Variants in NAA40 observed in about 807,000 individuals in gnomAD.
NAA40 encodes the protein N-alpha-acetyltransferase 40, NatD catalytic subunit, also known as N-alpha-acetyltransferase 40.
NAA40 carries 26 observed loss-of-function variants against 36.6 expected under a neutral mutation model. That is an observed-to-expected ratio of 0.71 (90% CI 0.52 to 0.98). NAA40 has a LOEUF of 0.98. Among genes scored for constraint, NAA40 ranks in the 50% least tolerant of loss-of-function variants. NAA40 has a pLI of 0.00. For synonymous variants in NAA40, 129 were observed against 108.4 expected, an observed-to-expected ratio of 1.19 and a Z score of -1.18; for missense variants, 237 against 306.5, an observed-to-expected ratio of 0.77 and a Z score of 1.69.
chr11:63,952,655 C>T, intron 5 of NAA40, 90 bp downstream of exon 5: 1 of 1,600,994 alleles, frequency 6.2e-7, no homozygotes, highest in Non-Finnish European at 8.6e-7. Flanking sequence ...CTGGACCTAC[C>T]TAGGTCTATG....
intron 1 of NAA40, among the ~76,000 whole-genome samples, chr11:63,945,429 A>G (rs1942170716): frequency 6.6e-6 from 1 of 152,224 alleles, no homozygotes; most frequent in Non-Finnish European, 1.5e-5. Context: ...ACAGCCATCA[A>G]CGGCTACCTT....
chr11:63,944,125 T>G (rs1337917866), intron 1 of NAA40, among the ~76,000 whole-genome samples: 1 of 152,186 alleles, frequency 6.6e-6, no homozygotes, highest in African/African-American at 2.4e-5. Context: ...ACTCCTTTCT[T>G]CTTGGTTGAT....
chr11:63,949,990 C>T (rs926155183), intron 3 of NAA40, among the ~76,000 whole-genome samples: 60 of 152,060 alleles, frequency 3.9e-4, no homozygotes, highest in Admixed American at 1.2e-3. Context: ...GTGATCCGCC[C>T]GCCTCGGCCT....
intron 1 of NAA40, among the ~76,000 whole-genome samples, chr11:63,941,560 C>CTT (rs11373615): frequency 2.0e-5 from 3 of 148,446 alleles, no homozygotes; most frequent in Middle Eastern, 6.5e-3. Flanking sequence ...TTTTCTTTTC[C>CTT]TTTTTTTTTT....
intron 3 of NAA40, among the ~76,000 whole-genome samples, chr11:63,950,727 G>C (rs1286983170): frequency 1.3e-5 from 2 of 152,130 alleles, no homozygotes; most frequent in Non-Finnish European, 2.9e-5. Flanking sequence ...CTCCCAAAGT[G>C]CTGGGATTAC....
Position 63,941,869 on chromosome 11 carries a change from T to A in NAA40, c.6+2767T>A, listed in dbSNP as rs549526605. Reference sequence around the variant, plus strand: ...GCGCCCAGCCTGGGTGTGTTTTTTTTAATTTGTCTTTATGACCCCTTCCAG... The same window carrying A: ...GCGCCCAGCCTGGGTGTGTTTTTTTAAATTTGTCTTTATGACCCCTTCCAG... On this transcript the variant is annotated intron_variant, in intron 1 of 7. Coordinates refer to ENST00000377793, the MANE Select transcript of NAA40 (RefSeq NM_024771.4). 4.6e-5 allele frequency among the ~76,000 whole-genome samples: 7 copies of A among 152,270 alleles called. No homozygotes were observed. In the East Asian group the frequency reaches 9.7e-4, roughly 21 times the overall value.
intron 3 of NAA40, among the ~76,000 whole-genome samples, chr11:63,950,244 G>A (rs925021762): frequency 3.3e-5 from 5 of 151,102 alleles, no homozygotes; most frequent in Non-Finnish European, 5.9e-5. Context: ...TCTACCTCCT[G>A]AGTAGCTGGG....
chr11:63,954,311 A>C, intron 7 of NAA40, 27 bp from the exon 8 acceptor site: 1 of 1,564,396 alleles, frequency 6.4e-7, no homozygotes, highest in Non-Finnish European at 8.7e-7. Flanking sequence ...GCCTGCCACC[A>C]ACCCTTTTCT....
At chr11:63,939,357 C>A in intron 1 of NAA40, 1 of 1,250,210 alleles carries the variant, frequency 8.0e-7, no homozygotes, top group Non-Finnish European at 1.0e-6. Flanking sequence ...CTTCCTGCTT[C>A]GCGGACCCGT....
At chr11:63,945,291 G>A (rs1213379728) in intron 1 of NAA40, among the ~76,000 whole-genome samples, 1 of 152,186 alleles carries the variant, frequency 6.6e-6, no homozygotes, top group East Asian at 1.9e-4. Flanking sequence ...GAATGGCTCT[G>A]TGTCCTTGAG....
At chr11:63,952,717 C>T in intron 5 of NAA40, 39 bp from the exon 6 acceptor site, 1 of 1,610,682 alleles carries the variant, frequency 6.2e-7, no homozygotes, top group Non-Finnish European at 8.5e-7. Flanking sequence ...CTCTTCATGT[C>T]CCATCCTGCA....
At chr11:63,939,565 T>G in intron 1 of NAA40, 1 of 875,348 alleles carries the variant, frequency 1.1e-6, no homozygotes, top group Non-Finnish European at 1.4e-6. Flanking sequence ...AGACCCCACC[T>G]TGGGCCTCCC....
intron 1 of NAA40, chr11:63,939,575 C>T: frequency 3.8e-6 from 3 of 780,234 alleles, no homozygotes; most frequent in Non-Finnish European, 3.1e-6. Context: ...TTGGGCCTCC[C>T]GAATCCCAGT....
At chr11:63,939,234 G>T in intron 1 of NAA40, 132 bp downstream of exon 1, 3 of 1,265,438 alleles carry the variant, frequency 2.4e-6, no homozygotes, top group South Asian at 1.7e-5. Flanking sequence ...ACCCCCACAT[G>T]ACCCGACTCC....
rs1269639585 is a variant in NAA40 at position 63,952,323 on chromosome 11, A to G, written c.241A>G (p.Met81Val). 6.2e-7 allele frequency: 1 copy of G among 1,613,894 alleles called. No individual in the cohort carries two copies. The highest frequency in any genetic ancestry group is 1.7e-5 in the Admixed American group (1 of 59,994). ...GGCCTTCGACCTGACCAAAACGAAT[A>G]TGCAAACCATGTAAGCTTGTCCCAA... Reference protein sequence around the residue: ...DWAFDLTKTNMQTMYEQSEWG... With the variant: ...DWAFDLTKTNVQTMYEQSEWG... Residue 81 changes from methionine to valine, a missense_variant, in exon 4 of 8, where the codon ATG becomes GTG. By Grantham distance (21) the Met-to-Val change is conservative. Coordinates refer to ENST00000377793, the MANE Select transcript of NAA40 (RefSeq NM_024771.4).
Position 63,953,988 on chromosome 11 carries a change from G to C in NAA40, c.511G>C (p.Val171Leu), listed in dbSNP as rs143141241. The change falls in exon 7 of 8, where the codon GTT (valine) becomes CTT (leucine). Residue 171 changes from valine to leucine, a missense_variant. Transcript: ENST00000377793. The part of the protein sequence containing the change: ...LMANSTQMKK[V>L]MLTVFKHNHG... The stretch of plus-strand genomic sequence containing the variant: ...TTCTTCCAGCACACAGATGAAGAAG[G>C]TTATGTTAACAGTATTTAAACACAA... The C allele has an allele frequency of 3.1e-6, 5 of 1,613,956 alleles. No homozygotes were observed. In the African/African-American group the frequency reaches 6.7e-5, roughly 22 times the overall value.
intron 3 of NAA40, 63 bp downstream of exon 3, chr11:63,947,066 A>G: frequency 1.3e-6 from 2 of 1,493,066 alleles, no homozygotes; most frequent in South Asian, 1.1e-5. Flanking sequence ...TTCCCTTTCC[A>G]GAGTAGGCTT....
At position 63,939,010 on chromosome 11, in the gene NAA40, T is replaced by C. The variant is rs1942059429; in HGVS notation, c.-87T>C. ...ATGCGCGTTGCAGGGCCGTCCGCTC[T>C]GCTGCCGCCGCTGTTGCAGCCACCG... is the stretch of plus-strand genomic sequence containing the variant. On this transcript the variant is annotated 5_prime_UTR_variant, in exon 1 of 8. Transcript: ENST00000377793. 6.2e-6 allele frequency: 8 copies of C among 1,291,810 alleles called. No homozygotes were observed. The highest frequency in any genetic ancestry group is 8.7e-6 in the Non-Finnish European group (8 of 924,298). 80.0% of individuals were successfully genotyped at this position (1,291,810 alleles called of 1,614,324 possible).
intron 7 of NAA40, 69 bp from the exon 8 acceptor site, chr11:63,954,269 A>G: frequency 6.6e-7 from 1 of 1,526,532 alleles, no homozygotes; most frequent in East Asian, 2.3e-5. Context: ...CTGGTAGAAG[A>G]GTTCTCGGGC....
Sources: allele counts gnomAD v4.1 joint callset (sites outside exome capture counted in the v4.1 genomes callset), GRCh38; gene constraint gnomAD v4.1.1; transcripts MANE v1.5; gene names NCBI Gene and HGNC (gene_info 2026-07-23, HGNC 2026-07-21).